Variants in SRGAP2B observed in about 807,000 individuals in gnomAD.
SRGAP2B encodes the protein SLIT-ROBO Rho GTPase activating protein 2B.
A neutral mutation model predicts 22.2 loss-of-function variants in SRGAP2B; 9 were observed. The observed-to-expected ratio is 0.41, with a 90% CI of 0.24 to 0.71. SRGAP2B has a LOEUF of 0.71. SRGAP2B is among the 30% of genes least tolerant of loss of function. The probability of loss-of-function intolerance (pLI) is 0.35; values close to 1 mark genes in which losing one functional copy is unlikely to be tolerated. For synonymous variants in SRGAP2B, 36 were observed against 87.4 expected, an observed-to-expected ratio of 0.41 and a Z score of 3.28; for missense variants, 114 against 235.8, an observed-to-expected ratio of 0.48 and a Z score of 3.38.
intron 5 of SRGAP2B, 74 bp from the exon 6 acceptor site, chr1:144,906,148 G>C: frequency 1.4e-6 from 1 of 700,456 alleles, no homozygotes; most frequent in South Asian, 1.5e-5. Flanking sequence ...CAGACTAACA[G>C]ACTCAGCTGG....
At chr1:144,966,896 G>A (rs1275436690) in intron 3 of SRGAP2B, among the ~76,000 whole-genome samples, 2 of 147,214 alleles carry the variant, frequency 1.4e-5, no homozygotes, top group African/African-American at 5.3e-5. Flanking sequence ...GACAAAGAAG[G>A]CCATTACATA....
intron 2 of SRGAP2B, among the ~76,000 whole-genome samples, chr1:145,009,542 C>G (rs1299885521): frequency 6.9e-6 from 1 of 144,348 alleles, no homozygotes; most frequent in East Asian, 2.1e-4. Flanking sequence ...GAGCCGAGAT[C>G]CCGCCACTGC....
intron 5 of SRGAP2B, among the ~76,000 whole-genome samples, chr1:144,910,619 C>T (rs1418711485): frequency 7.5e-6 from 1 of 133,828 alleles, no homozygotes; most frequent in African/African-American, 3.0e-5. Context: ...AATTCTAGAG[C>T]TTCCTTGACT....
rs1414771139 is a variant in SRGAP2B at position 144,940,865 on chromosome 1, G to A, written c.423+14574C>T. ...TAAGGAATATATGAAAAAGCTATGG[G>A]ACAGCCAGACTACAGACTGCTGTAT... On this transcript the variant is annotated intron_variant, in intron 4 of 9. Coordinates refer to ENST00000612199, the Ensembl canonical transcript of SRGAP2B. Among the ~76,000 whole-genome samples, 7 of 148,274 alleles carry A rather than the reference G, an allele frequency of 4.7e-5. 1 individual carries two copies. Among genetic ancestry groups the A allele is most frequent in the African/African-American group, 1.8e-4 (7 of 39,234 alleles).
At chr1:144,965,616 A>G (rs1553612100) in intron 3 of SRGAP2B, among the ~76,000 whole-genome samples, 1 of 132,328 alleles carries the variant, frequency 7.6e-6, no homozygotes, top group Non-Finnish European at 1.5e-5. Context: ...GTTCCTCACC[A>G]GCAACGGAAC....
exon 4 of SRGAP2B, chr1:144,955,474 G>C (rs782037313): frequency 1.1e-5 from 16 of 1,501,622 alleles, no homozygotes; most frequent in Admixed American, 2.1e-5. Context: ...TCGCTGACTT[G>C]TACAAATCGA....
At chr1:145,044,649 C>CAAA (rs1649540395) in intron 2 of SRGAP2B, among the ~76,000 whole-genome samples, 1 of 53,666 alleles carries the variant, frequency 1.9e-5, no homozygotes, top group Non-Finnish European at 3.3e-5. Flanking sequence ...GAACCCCCTC[C>CAAA]TAAAAAAAAA....
intron 3 of SRGAP2B, among the ~76,000 whole-genome samples, chr1:144,984,355 AC>A (rs59586154): frequency 6.1e-5 from 8 of 130,704 alleles, no homozygotes; most frequent in African/African-American, 8.6e-5. Flanking sequence ...AACAACAACA[AC>A]AACAACAACA....
At chr1:145,076,418 A>C (rs1652509366) in intron 2 of SRGAP2B, among the ~76,000 whole-genome samples, 1 of 150,396 alleles carries the variant, frequency 6.6e-6, no homozygotes, top group Non-Finnish European at 1.5e-5. Context: ...AATAGGAAAC[A>C]ACCCATATGT....
intron 2 of SRGAP2B, among the ~76,000 whole-genome samples, chr1:145,036,411 C>T (rs1300453295): frequency 1.5e-5 from 2 of 133,046 alleles, no homozygotes; most frequent in Admixed American, 1.6e-4. Flanking sequence ...TGCTCCAAAA[C>T]TATCATGAGA....
intron 5 of SRGAP2B, among the ~76,000 whole-genome samples, chr1:144,907,125 G>A (rs1663043867): frequency 6.8e-6 from 1 of 147,404 alleles, no homozygotes; most frequent in Non-Finnish European, 1.5e-5. Flanking sequence ...AGTAGAAGTT[G>A]GGTGTGTGTG....
At chr1:145,021,888 AATCCTGGAACTTCAAC>A (rs1672830878) in intron 2 of SRGAP2B, among the ~76,000 whole-genome samples, 1 of 141,182 alleles carries the variant, frequency 7.1e-6, no homozygotes, top group South Asian at 2.2e-4. Flanking sequence ...TTGGATATCC[AATCCTGGAACTTCAAC>A]AGGACTAGGC....
intron 2 of SRGAP2B, among the ~76,000 whole-genome samples, chr1:145,089,043 T>G (rs1341553753): frequency 2.0e-5 from 3 of 151,366 alleles, no homozygotes; most frequent in African/African-American, 7.3e-5. Context: ...AGAGATGATT[T>G]AAAGTATACA....
chr1:144,989,799 C>T (rs1257013904), intron 3 of SRGAP2B, among the ~76,000 whole-genome samples: 2 of 140,480 alleles, frequency 1.4e-5, no homozygotes, highest in Non-Finnish European at 3.1e-5. Flanking sequence ...GTATTAAATA[C>T]TTTCCTTCCA....
intron 3 of SRGAP2B, among the ~76,000 whole-genome samples, chr1:144,971,731 A>G (rs1380674033): frequency 4.0e-5 from 6 of 150,868 alleles, no homozygotes; most frequent in Non-Finnish European, 7.4e-5. Context: ...AGAGTGTACA[A>G]AAAGAGAATC....
intron 5 of SRGAP2B, among the ~76,000 whole-genome samples, chr1:144,909,415 T>C (rs1288893695): frequency 4.1e-5 from 6 of 144,710 alleles, no homozygotes; most frequent in Admixed American, 2.1e-4. Flanking sequence ...AAACCCCGTC[T>C]CTACTAAAAA....
intron 4 of SRGAP2B, among the ~76,000 whole-genome samples, chr1:144,922,698 G>A (rs1664342624): frequency 6.7e-6 from 1 of 150,224 alleles, no homozygotes; most frequent in Non-Finnish European, 1.5e-5. Flanking sequence ...GTACAACTAG[G>A]ATATGGTTCG....
intron 3 of SRGAP2B, among the ~76,000 whole-genome samples, chr1:144,966,829 G>C (rs1381649246): frequency 6.7e-6 from 1 of 149,194 alleles, no homozygotes; most frequent in Non-Finnish European, 1.5e-5. Flanking sequence ...AAAAAAGGAA[G>C]GGGTTGCAAT....
In SRGAP2B at chr1:145,068,239, C is replaced by T. The variant is rs1252973719; in HGVS notation, c.67+24596G>A. ...AAAAAAAAAAAAAACAAATACAGCT[C>T]CATGAAAGCAGGGACTTCCTCAGTC... On this transcript the variant is annotated intron_variant, in intron 2 of 9. Transcript: ENST00000612199. Among the ~76,000 whole-genome samples, 39 of 148,912 alleles carry T rather than the reference C, an allele frequency of 2.6e-4. 1 individual carries two copies. Among genetic ancestry groups the T allele is most frequent in the Non-Finnish European group, 4.7e-4 (32 of 67,578 alleles).
Sources: gnomAD v4.1 joint callset for allele counts (sites outside exome capture counted in the v4.1 genomes callset) on GRCh38, gnomAD v4.1.1 for gene constraint, MANE v1.5 for transcripts, NCBI Gene and HGNC (gene_info 2026-07-23, HGNC 2026-07-21) for gene names.